Variants in HS3ST4 observed in about 807,000 individuals in gnomAD.
HS3ST4 encodes heparan sulfate glucosamine 3-O-sulfotransferase 4.
HS3ST4 carries 17 observed loss-of-function variants against 29.2 expected under a neutral mutation model. The observed-to-expected ratio is 0.58, with a 90% CI of 0.40 to 0.87. The LOEUF (loss-of-function observed/expected upper bound fraction) is 0.87, where lower values mean the gene tolerates loss of function less well. Among genes scored for constraint, HS3ST4 ranks in the 40% least tolerant of loss-of-function variants. The pLI, the probability that HS3ST4 is intolerant of heterozygous loss-of-function variation, is 0.00. For missense variants in HS3ST4, 627 were observed against 634.5 expected (o/e 0.99, Z 0.13); for synonymous variants, 314 against 285.7 (o/e 1.10, Z -1.00).
At chr16:25,844,462 G>C (rs903193748) in intron 1 of HS3ST4, among the ~76,000 whole-genome samples, 4 of 152,092 alleles carry the variant, frequency 2.6e-5, no homozygotes, top group African/African-American at 9.7e-5. Context: ...TTCTGCTAGT[G>C]GTTATTCATG....
chr16:25,958,976 A>G lies in HS3ST4; in HGVS notation c.735-176636A>G, dbSNP rs541759803. On this transcript the variant is annotated intron_variant, in intron 1 of 1. Coordinates refer to ENST00000331351, the MANE Select transcript of HS3ST4 (RefSeq NM_006040.3). Reference sequence around the variant, plus strand: ...GTAACCATAATAAGTTCATTGCACAATGCACACAGCAAGTCAATACACTGA... The same window carrying G: ...GTAACCATAATAAGTTCATTGCACAGTGCACACAGCAAGTCAATACACTGA... Among the ~76,000 whole-genome samples, 6 of 152,350 alleles carry G rather than the reference A, an allele frequency of 3.9e-5. No homozygotes were observed. The South Asian group carries it at 1.2e-3, about 32-fold the overall frequency.
At chr16:25,861,806 G>A (rs1396248993) in intron 1 of HS3ST4, among the ~76,000 whole-genome samples, 1 of 152,084 alleles carries the variant, frequency 6.6e-6, no homozygotes, top group Non-Finnish European at 1.5e-5. Context: ...GCTTAGTTTT[G>A]TTAGTTTTTG....
chr16:26,052,451 A>G (rs1314841590), intron 1 of HS3ST4, among the ~76,000 whole-genome samples: 1 of 151,962 alleles, frequency 6.6e-6, no homozygotes, highest in Middle Eastern at 3.2e-3. Context: ...GCTCAATGCA[A>G]CCTCTGCCTC....
chr16:26,116,962 C>T lies in HS3ST4; in HGVS notation c.735-18650C>T, dbSNP rs548298394. ...TCTGAAAAAAATCCCAAATCTGAAA[C>T]ACTTCTGGTCCCAAGCATTTTGGAT... On this transcript the variant is annotated intron_variant, in intron 1 of 1. Coordinates refer to ENST00000331351, the MANE Select transcript of HS3ST4 (RefSeq NM_006040.3). Among the ~76,000 whole-genome samples, 13 of 152,300 alleles carry T rather than the reference C, an allele frequency of 8.5e-5. No homozygotes were observed. The South Asian group carries it at 2.5e-3, about 29-fold the overall frequency.
intron 1 of HS3ST4, among the ~76,000 whole-genome samples, chr16:25,732,684 A>T (rs1334622234): frequency 1.3e-5 from 2 of 152,184 alleles, no homozygotes; most frequent in African/African-American, 4.8e-5. Context: ...AACAGCAACA[A>T]CAATCATAAA....
chr16:25,971,571 CTATT>C (rs1353163731), intron 1 of HS3ST4, among the ~76,000 whole-genome samples: 1 of 152,158 alleles, frequency 6.6e-6, no homozygotes, highest in Non-Finnish European at 1.5e-5. Context: ...AGAGAGAAAA[CTATT>C]CATTCATCAA....
intron 1 of HS3ST4, among the ~76,000 whole-genome samples, chr16:25,714,408 G>A (rs1966438307): frequency 6.6e-6 from 1 of 152,118 alleles, no homozygotes; most frequent in Non-Finnish European, 1.5e-5. Flanking sequence ...GAGTGAACAC[G>A]GCTGCTGATC....
At chr16:26,126,917 T>C (rs1899351075) in intron 1 of HS3ST4, among the ~76,000 whole-genome samples, 1 of 152,120 alleles carries the variant, frequency 6.6e-6, no homozygotes, top group Admixed American at 6.5e-5. Context: ...AACATCTTTT[T>C]TAGTCCACAA....
intron 1 of HS3ST4, among the ~76,000 whole-genome samples, chr16:25,784,975 T>C (rs945235554): frequency 5.3e-5 from 8 of 152,186 alleles, no homozygotes; most frequent in Non-Finnish European, 1.0e-4. Flanking sequence ...CTGGTGACTT[T>C]AAGTTGAAGC....
intron 1 of HS3ST4, among the ~76,000 whole-genome samples, chr16:26,036,207 A>G (rs112952798): frequency 0.046 from 7,054 of 152,298 alleles, 210 homozygotes; most frequent in Middle Eastern, 0.15. Flanking sequence ...CAGCCCCATT[A>G]AGATAACACT....
chr16:25,871,472 A>G (rs1353759207), intron 1 of HS3ST4, among the ~76,000 whole-genome samples: 1 of 152,150 alleles, frequency 6.6e-6, no homozygotes, highest in Non-Finnish European at 1.5e-5. Context: ...TAGATTCAGG[A>G]GAGAGGTTGG....
At chr16:25,793,065 T>C (rs1369026904) in intron 1 of HS3ST4, among the ~76,000 whole-genome samples, 1 of 151,906 alleles carries the variant, frequency 6.6e-6, no homozygotes, top group Admixed American at 6.6e-5. Flanking sequence ...ACATTTTGGA[T>C]ATTTTAGTTT....
intron 1 of HS3ST4, among the ~76,000 whole-genome samples, chr16:26,087,115 T>C (rs1246593985): frequency 6.6e-6 from 1 of 152,236 alleles, no homozygotes; most frequent in Admixed American, 6.5e-5. Flanking sequence ...TGTTTGTTAT[T>C]GTGACATCTG....
chr16:26,051,143 T>C (rs750889935), intron 1 of HS3ST4, among the ~76,000 whole-genome samples: 12 of 152,072 alleles, frequency 7.9e-5, no homozygotes, highest in Non-Finnish European at 1.5e-4. Flanking sequence ...GGGAAAATAA[T>C]TGAAAGGAAA....
chr16:25,873,999 G>GAA (rs1298130158), intron 1 of HS3ST4, among the ~76,000 whole-genome samples: 1 of 147,422 alleles, frequency 6.8e-6, no homozygotes, highest in African/African-American at 2.6e-5. Flanking sequence ...GAGGAAAAGT[G>GAA]AATTATACCC....
intron 1 of HS3ST4, among the ~76,000 whole-genome samples, chr16:25,845,224 G>A (rs1967452845): frequency 6.6e-6 from 1 of 152,066 alleles, no homozygotes; most frequent in South Asian, 2.1e-4. Flanking sequence ...AAAAATAAAT[G>A]TAGGCCGGGC....
At chr16:25,694,814 A>G (rs1431984007) in intron 1 of HS3ST4, among the ~76,000 whole-genome samples, 5 of 152,030 alleles carry the variant, frequency 3.3e-5, no homozygotes, top group Non-Finnish European at 5.9e-5. Flanking sequence ...GAATTGTCAA[A>G]TGCCCCTTCA....
chr16:25,738,898 A>C (rs971207909), intron 1 of HS3ST4, among the ~76,000 whole-genome samples: 1 of 152,180 alleles, frequency 6.6e-6, no homozygotes, highest in African/African-American at 2.4e-5. Flanking sequence ...GTTCTTGCTC[A>C]AGATTGACTT....
At position 25,912,131 on chromosome 16, in the gene HS3ST4, A is replaced by C. The variant is rs1036205529; in HGVS notation, c.734+218980A>C. Among the ~76,000 whole-genome samples, 8 of 152,190 alleles carry C rather than the reference A, an allele frequency of 5.3e-5. No homozygotes were observed. In the East Asian group the frequency reaches 1.4e-3, roughly 26 times the overall value. Reference sequence around the variant, plus strand: ...AAAGCCCATCTGTGTTCTTAGTAACAGGCTCAGAAGGGGCAGAAGTGTGTG... The same window carrying C: ...AAAGCCCATCTGTGTTCTTAGTAACCGGCTCAGAAGGGGCAGAAGTGTGTG... On this transcript the variant is annotated intron_variant, in intron 1 of 1. Coordinates refer to ENST00000331351, the MANE Select transcript of HS3ST4 (RefSeq NM_006040.3).
Sources: gnomAD v4.1 joint callset for allele counts (sites outside exome capture counted in the v4.1 genomes callset) on GRCh38, gnomAD v4.1.1 for gene constraint, MANE v1.5 for transcripts, NCBI Gene and HGNC (gene_info 2026-07-23, HGNC 2026-07-21) for gene names.